SLCO3A1: variants seen among roughly 807,000 people sequenced by gnomAD.
SLCO3A1 encodes the protein solute carrier organic anion transporter family member 3A1, also known as PGE1 transporter.
SLCO3A1 carries 27 observed loss-of-function variants against 63.1 expected under a neutral mutation model. The ratio of observed to expected loss-of-function variants is 0.43; its 90% CI spans 0.32 to 0.59. The LOEUF is 0.59. Ranked by LOEUF, SLCO3A1 falls within the 20% of genes least tolerant of loss-of-function variation. The pLI is 0.09. For missense variants in SLCO3A1, 773 were observed against 945.8 expected (o/e 0.82, Z 2.40); for synonymous variants, 473 against 409.9 (o/e 1.15, Z -1.86).
chr15:91,937,012 A>C (rs1319386145), intron 2 of SLCO3A1, among the ~76,000 whole-genome samples: 3 of 152,168 alleles, frequency 2.0e-5, no homozygotes, highest in Admixed American at 6.5e-5. Context: ...TGCAAAGAGG[A>C]AGAATCCATC....
At chr15:92,168,532 G>A (rs2048505131), downstream of SLCO3A1, among the ~76,000 whole-genome samples, 5 of 152,212 alleles carry the variant, frequency 3.3e-5, no homozygotes, top group South Asian at 4.1e-4. Context: ...GAAGGCCATC[G>A]TGTGCTGATC....
chr15:92,115,243 C>T (rs976218822), intron 4 of SLCO3A1, among the ~76,000 whole-genome samples: 3 of 152,130 alleles, frequency 2.0e-5, no homozygotes, highest in Admixed American at 6.5e-5. Flanking sequence ...TGGCCTGCTG[C>T]CTGGCCCTCT....
At chr15:91,931,364 C>CGA (rs910240892) in intron 2 of SLCO3A1, among the ~76,000 whole-genome samples, 24 of 152,158 alleles carry the variant, frequency 1.6e-4, no homozygotes, top group Admixed American at 1.0e-3. Context: ...CAGAATTTGC[C>CGA]GAGGTTCACA....
chr15:91,982,526 G>A (rs28441613), intron 2 of SLCO3A1, among the ~76,000 whole-genome samples: 3,718 of 152,244 alleles, frequency 0.024, 150 homozygotes, highest in African/African-American at 0.084. Flanking sequence ...ATCTTGGGTG[G>A]ACATTCCAAA....
chr15:91,979,858 G>A (rs1423209979), intron 2 of SLCO3A1, among the ~76,000 whole-genome samples: 1 of 152,178 alleles, frequency 6.6e-6, no homozygotes, highest in Non-Finnish European at 1.5e-5. Flanking sequence ...TAATTTCTTA[G>A]GGTGTACAAA....
At chr15:92,152,077 C>A (rs1466144379) in intron 9 of SLCO3A1, among the ~76,000 whole-genome samples, 1 of 152,154 alleles carries the variant, frequency 6.6e-6, no homozygotes, top group Non-Finnish European at 1.5e-5. Context: ...AATGTAATAA[C>A]TTTTGCAATA....
intron 9 of SLCO3A1, among the ~76,000 whole-genome samples, chr15:92,160,278 C>T (rs74685743): frequency 1.3e-5 from 2 of 152,272 alleles, no homozygotes; most frequent in African/African-American, 2.4e-5. Context: ...ATCTGTAATA[C>T]ACACTGGCTC....
At chr15:91,989,110 T>G (rs2046092491) in intron 2 of SLCO3A1, among the ~76,000 whole-genome samples, 1 of 152,208 alleles carries the variant, frequency 6.6e-6, no homozygotes. Context: ...GGACCATCAC[T>G]CGCAGATAAG....
At chr15:91,964,948 G>A (rs1006296706) in intron 2 of SLCO3A1, among the ~76,000 whole-genome samples, 4 of 151,968 alleles carry the variant, frequency 2.6e-5, no homozygotes, top group Non-Finnish European at 5.9e-5. Context: ...TTTTGAGTGT[G>A]GCCAGCAGTC....
At chr15:91,988,532 TA>T (rs2046084221) in intron 2 of SLCO3A1, among the ~76,000 whole-genome samples, 1 of 141,426 alleles carries the variant, frequency 7.1e-6, no homozygotes, top group Non-Finnish European at 1.6e-5. Context: ...TGAGACACGA[TA>T]AAAAGGAAAC....
intron 2 of SLCO3A1, among the ~76,000 whole-genome samples, chr15:91,930,796 C>G (rs1269047538): frequency 1.4e-5 from 2 of 143,650 alleles, no homozygotes; most frequent in Admixed American, 6.8e-5. Context: ...GTGTAATTCT[C>G]AAAACAACCC....
chr15:92,037,839 C>T lies in SLCO3A1; in HGVS notation c.647-57042C>T, dbSNP rs867068175. Among the ~76,000 whole-genome samples the T allele has an allele frequency of 6.6e-5, 10 of 152,200 alleles. 1 individual carries two copies. The highest frequency in any genetic ancestry group is 6.3e-3 in the Middle Eastern group (2 of 316). Reference sequence around the variant, plus strand: ...ATTTTTTACCCCCAGCTTACCATAGCAGCTTAGTGGTGAGCATTCTGGCAA... The same window carrying T: ...ATTTTTTACCCCCAGCTTACCATAGTAGCTTAGTGGTGAGCATTCTGGCAA... On this transcript the variant is annotated intron_variant, in intron 2 of 9. Transcript: ENST00000318445.
At chr15:92,094,803 A>C in intron 2 of SLCO3A1, 78 bp from the exon 3 acceptor site, 1 of 888,258 alleles carries the variant, frequency 1.1e-6, no homozygotes, top group Admixed American at 1.9e-5. Context: ...ATGTAAAATA[A>C]TCTCCTTGAC....
intron 2 of SLCO3A1, among the ~76,000 whole-genome samples, chr15:91,944,796 G>A (rs551322623): frequency 6.6e-6 from 1 of 152,202 alleles, no homozygotes; most frequent in South Asian, 2.1e-4. Flanking sequence ...CCATCCAGAG[G>A]GGGAAAGGCA....
Position 91,871,765 on chromosome 15 carries a change from G to T in SLCO3A1, c.180+17677G>T, listed in dbSNP as rs5814502. Among the ~76,000 whole-genome samples the T allele has an allele frequency of 4.6e-3, 211 of 45,668 alleles. 2 individuals are homozygous for T. Among genetic ancestry groups the T allele is most frequent in the African/African-American group, 6.9e-3 (76 of 11,004 alleles). The allele number at this position is 45,668 out of a possible 152,430, so 30.0% of individuals were successfully genotyped here. A position where few individuals can be genotyped will look rare whatever the true frequency, so the allele number is the denominator to read the frequency against. ...GGTGTGCTCATTTTGTTTTTTTTTG[G>T]TTTTTTTTTTTTTTTTTTTTGGCTG... On this transcript the variant is annotated intron_variant, in intron 1 of 9. Coordinates refer to ENST00000318445, the MANE Select transcript of SLCO3A1 (RefSeq NM_013272.4).
At chr15:92,147,323 T>TG (rs775679983) in intron 8 of SLCO3A1, among the ~76,000 whole-genome samples, 164 bp downstream of exon 8, 31 of 151,978 alleles carry the variant, frequency 2.0e-4, no homozygotes, top group Non-Finnish European at 4.4e-4. Flanking sequence ...CAATTATGTT[T>TG]GATAGGGACC....
In SLCO3A1 at chr15:91,943,660, A is replaced by T. The variant is rs368303797; in HGVS notation, c.646+27202A>T. On this transcript the variant is annotated intron_variant, in intron 2 of 9. Coordinates refer to ENST00000318445, the MANE Select transcript of SLCO3A1 (RefSeq NM_013272.4). ...GTTTAATTTTTCGAGGAACCGCCAT[A>T]CTGTTTTTCATACCCAGTGCATAAT... 7.9e-5 allele frequency among the ~76,000 whole-genome samples: 12 copies of T among 152,144 alleles called. No homozygotes were observed. In the East Asian group the frequency reaches 9.6e-4, roughly 12 times the overall value.
At chr15:92,158,561 G>A (rs915571632) in intron 9 of SLCO3A1, among the ~76,000 whole-genome samples, 5 of 152,240 alleles carry the variant, frequency 3.3e-5, no homozygotes, top group Non-Finnish European at 5.9e-5. Flanking sequence ...TAGCATGACA[G>A]TTGCCAGTCA....
intron 1 of SLCO3A1, among the ~76,000 whole-genome samples, chr15:91,878,826 G>A (rs978839005): frequency 6.6e-5 from 10 of 152,158 alleles, no homozygotes; most frequent in South Asian, 2.1e-4. Flanking sequence ...CTTAAAGAGA[G>A]AAATGTTGCA....
Sources: allele counts gnomAD v4.1 joint callset (sites outside exome capture counted in the v4.1 genomes callset), GRCh38; gene constraint gnomAD v4.1.1; transcripts MANE v1.5; gene names NCBI Gene and HGNC (gene_info 2026-07-23, HGNC 2026-07-21).